CNTNAP2: variants seen among roughly 807,000 people sequenced by gnomAD.
CNTNAP2 encodes contactin associated protein 2.
In CNTNAP2, 98 loss-of-function variants were observed where a neutral mutation model predicts 155.2. That is an observed-to-expected ratio of 0.63 (90% confidence interval 0.54 to 0.75). The LOEUF is 0.75. CNTNAP2 is among the 30% of genes least tolerant of loss of function. The pLI is 0.00. For synonymous variants in CNTNAP2, 651 were observed against 631.2 expected, an observed-to-expected ratio of 1.03 and a Z score of -0.47; for missense variants, 1,727 against 1,688.1, an observed-to-expected ratio of 1.02 and a Z score of -0.40.
intron 13 of CNTNAP2, among the ~76,000 whole-genome samples, chr7:147,807,379 T>C (rs1456021358): frequency 6.9e-6 from 1 of 144,960 alleles, no homozygotes; most frequent in African/African-American, 2.6e-5. Context: ...GGAAATGATA[T>C]ATGTTTAAGA....
chr7:146,982,232 G>A (rs1477993478), intron 3 of CNTNAP2, among the ~76,000 whole-genome samples: 1 of 152,038 alleles, frequency 6.6e-6, no homozygotes, highest in African/African-American at 2.4e-5. Flanking sequence ...CCAAAGCTGT[G>A]TAAATTATAA....
intron 15 of CNTNAP2, among the ~76,000 whole-genome samples, chr7:148,037,460 C>A (rs74326678): frequency 0.013 from 1,927 of 152,320 alleles, 29 homozygotes; most frequent in Non-Finnish European, 0.019. Context: ...TAATGGGTTA[C>A]ATCTAGGTCA....
At chr7:148,307,996 T>C (rs1304134835) in intron 21 of CNTNAP2, among the ~76,000 whole-genome samples, 2 of 152,080 alleles carry the variant, frequency 1.3e-5, no homozygotes, top group Non-Finnish European at 2.9e-5. Context: ...TACTAAACAC[T>C]CATTTCACAA....
chr7:146,893,682 G>A (rs760293411), intron 3 of CNTNAP2, among the ~76,000 whole-genome samples: 1 of 152,086 alleles, frequency 6.6e-6, no homozygotes, highest in Non-Finnish European at 1.5e-5. Flanking sequence ...TGGATAGAAA[G>A]CTACCATAAT....
At chr7:147,513,240 C>T (rs1354267474) in intron 11 of CNTNAP2, among the ~76,000 whole-genome samples, 1 of 152,068 alleles carries the variant, frequency 6.6e-6, no homozygotes, top group Non-Finnish European at 1.5e-5. Flanking sequence ...TTTAGTTTTA[C>T]TGTATTTTAA....
chr7:146,942,752 C>T (rs184184179), intron 3 of CNTNAP2, among the ~76,000 whole-genome samples: 3 of 152,176 alleles, frequency 2.0e-5, no homozygotes, highest in African/African-American at 7.2e-5. Flanking sequence ...TGTATAATGC[C>T]AATGTTAGTG....
intron 1 of CNTNAP2, among the ~76,000 whole-genome samples, chr7:146,387,462 G>A (rs961703012): frequency 3.3e-5 from 5 of 152,082 alleles, no homozygotes; most frequent in East Asian, 1.9e-4. Context: ...TACTTCTTCC[G>A]GATGGGTAGA....
chr7:146,679,347 C>CT (rs34541415), intron 1 of CNTNAP2, among the ~76,000 whole-genome samples: 7,855 of 106,840 alleles, frequency 0.074, 913 homozygotes, highest in African/African-American at 0.2. Context: ...GATCTTGTTT[C>CT]TTTTTTTTTT....
At chr7:146,507,726 T>C (rs1344272362) in intron 1 of CNTNAP2, among the ~76,000 whole-genome samples, 1 of 152,212 alleles carries the variant, frequency 6.6e-6, no homozygotes, top group Non-Finnish European at 1.5e-5. Context: ...TGCCAAATGT[T>C]GCTGTAGGAG....
chr7:147,334,783 C>T (rs181645118), intron 9 of CNTNAP2, among the ~76,000 whole-genome samples: 228 of 152,196 alleles, frequency 1.5e-3, no homozygotes, highest in Middle Eastern at 3.4e-3. Context: ...TAAGCATGTT[C>T]GTGTGTGAAA....
At chr7:146,229,231 CATT>C (rs1356085846) in intron 1 of CNTNAP2, among the ~76,000 whole-genome samples, 2 of 152,058 alleles carry the variant, frequency 1.3e-5, no homozygotes, top group Admixed American at 1.3e-4. Flanking sequence ...GCAGAAATAT[CATT>C]ATAAAAGAAC....
chr7:147,095,934 C>G (rs1035530273), intron 4 of CNTNAP2, among the ~76,000 whole-genome samples: 5 of 152,118 alleles, frequency 3.3e-5, no homozygotes, highest in African/African-American at 7.2e-5. Context: ...CATATGGGTC[C>G]TGACAGATGA....
chr7:147,777,605 C>G (rs1234242915), intron 13 of CNTNAP2, among the ~76,000 whole-genome samples: 1 of 152,142 alleles, frequency 6.6e-6, no homozygotes. Context: ...TTTTCAAGAC[C>G]TTTCTAAGTG....
chr7:146,967,441 G>A (rs1563024312), intron 3 of CNTNAP2, among the ~76,000 whole-genome samples: 1 of 152,144 alleles, frequency 6.6e-6, no homozygotes, highest in Non-Finnish European at 1.5e-5. Context: ...CTACCCATGA[G>A]CATGGAATGT....
intron 14 of CNTNAP2, among the ~76,000 whole-genome samples, chr7:147,917,814 C>T (rs1463268079): frequency 6.6e-6 from 1 of 152,310 alleles, no homozygotes; most frequent in South Asian, 2.1e-4. Context: ...CTGTGATCTC[C>T]AGAATAAAGT....
At chr7:146,759,681 C>CAAAAAAAAAAAAAAAAAAAAAA (rs376817827) in intron 1 of CNTNAP2, among the ~76,000 whole-genome samples, 7 of 54,648 alleles carry the variant, frequency 1.3e-4, no homozygotes, top group African/African-American at 2.9e-4. Context: ...GTGAGACTGT[C>CAAAAAAAAAAAAAAAAAAAAAA]AAAAAAAAAA....
intron 1 of CNTNAP2, among the ~76,000 whole-genome samples, chr7:146,136,683 C>CA (rs1797802606): frequency 0.015 from 1 of 66 alleles, no homozygotes; most frequent in Non-Finnish European, 0.031. Context: ...GTAGGTGGGG[C>CA]CCCTAAGAAC....
At chr7:146,764,950 T>C (rs1802169266) in intron 1 of CNTNAP2, among the ~76,000 whole-genome samples, 1 of 152,152 alleles carries the variant, frequency 6.6e-6, no homozygotes, top group African/African-American at 2.4e-5. Flanking sequence ...TGGTGTGCCC[T>C]ACATTCTGCA....
intron 1 of CNTNAP2, among the ~76,000 whole-genome samples, chr7:146,336,122 C>G (rs1011933482): frequency 6.6e-6 from 1 of 151,442 alleles, no homozygotes; most frequent in Admixed American, 6.6e-5. Context: ...TTCCTTGAAC[C>G]TGGGAGGCGG....
Sources: gnomAD v4.1 joint callset for allele counts (sites outside exome capture counted in the v4.1 genomes callset) on GRCh38, gnomAD v4.1.1 for gene constraint, MANE v1.5 for transcripts, NCBI Gene and HGNC (gene_info 2026-07-23, HGNC 2026-07-21) for gene names.